The following TENM2 variants were observed in gnomAD, a reference collection of about 807,000 sequenced individuals.
TENM2 encodes the protein teneurin transmembrane protein 2.
In TENM2, 52 loss-of-function variants were observed where a neutral mutation model predicts 245.2. The ratio of observed to expected loss-of-function variants is 0.21; its 90% confidence interval spans 0.17 to 0.27. The LOEUF is 0.27. Ranked by LOEUF, TENM2 falls within the 10% of genes least tolerant of loss-of-function variation. TENM2 has a pLI of 1.00. For synonymous variants in TENM2, 1,363 were observed against 1,438.9 expected (o/e 0.95, Z 1.19); for missense variants, 3,046 against 3,666.8 (o/e 0.83, Z 4.37).
intron 2 of TENM2, among the ~76,000 whole-genome samples, chr5:167,529,546 A>G (rs77898885): frequency 0.04 from 6,121 of 152,266 alleles, 374 homozygotes; most frequent in East Asian, 0.29. Flanking sequence ...ACCAGCATAT[A>G]TCTTAAGCCC....
At chr5:167,859,802 C>T (rs1250880643) in intron 2 of TENM2, among the ~76,000 whole-genome samples, 1,118 of 53,548 alleles carry the variant, frequency 0.021, no homozygotes, top group Middle Eastern at 0.045. Context: ...GCCCTCCGCC[C>T]GGCCAGCCGC....
chr5:167,482,647 T>A (rs1767827450), intron 2 of TENM2, among the ~76,000 whole-genome samples: 1 of 152,178 alleles, frequency 6.6e-6, no homozygotes, highest in Non-Finnish European at 1.5e-5. Context: ...GGTTGCTTTA[T>A]CTTATGACAG....
intron 7 of TENM2, among the ~76,000 whole-genome samples, chr5:168,082,249 A>G (rs910628660): frequency 4.6e-5 from 7 of 152,160 alleles, no homozygotes; most frequent in African/African-American, 1.7e-4. Flanking sequence ...TGCATGCGTC[A>G]CGTAGTTCTC....
At chr5:167,086,406 C>A in the TENM2 span, among the ~76,000 whole-genome samples, 1 of 152,110 alleles carries the variant, frequency 6.6e-6, no homozygotes, top group African/African-American at 2.4e-5. Context: ...GGAGTCTTGA[C>A]CCTCTTCCTC....
chr5:167,492,787 C>T (rs1768517896), intron 2 of TENM2, among the ~76,000 whole-genome samples: 1 of 151,936 alleles, frequency 6.6e-6, no homozygotes, highest in Non-Finnish European at 1.5e-5. Flanking sequence ...TATCTTGTGC[C>T]ATGATAGGGA....
At chr5:167,894,390 G>C (rs1279202025) in intron 3 of TENM2, among the ~76,000 whole-genome samples, 2 of 152,162 alleles carry the variant, frequency 1.3e-5, no homozygotes, top group Non-Finnish European at 2.9e-5. Flanking sequence ...ATTGTGGCTA[G>C]TGTGATGTGA....
At position 167,294,502 on chromosome 5, in the gene TENM2, G is replaced by GA. The variant is rs544173329; in HGVS notation, c.226+9447dup. Among the ~76,000 whole-genome samples the GA allele has an allele frequency of 1.1e-4, 16 of 151,800 alleles. No homozygotes were observed. The South Asian group carries it at 3.3e-3, about 32-fold the overall frequency. On this transcript the variant is annotated intron_variant, in intron 1 of 28. Coordinates refer to ENST00000518659, the Ensembl canonical transcript of TENM2. ...AGAAAATCCTGTGAAACAAGTGGGG[G>GA]AAAAAAAAGAACACCTTACTTTCCT...
rs529952554 is a variant in TENM2, at chr5:167,353,086, A to T, written c.227-22112A>T. ...GTTTACTTTGAAGTGTTTATCAGCC[A>T]ATGCGCAGAAACATGAGGGAGGCTT... On this transcript the variant is annotated intron_variant, in intron 1 of 28. Coordinates refer to ENST00000518659, the Ensembl canonical transcript of TENM2. 5.4e-4 allele frequency among the ~76,000 whole-genome samples: 82 copies of T among 152,300 alleles called. 1 individual carries two copies. The highest frequency in any genetic ancestry group is 8.7e-4 in the Non-Finnish European group (59 of 68,036).
intron 2 of TENM2, among the ~76,000 whole-genome samples, chr5:167,514,528 A>G (rs567290494): frequency 1.2e-4 from 18 of 152,358 alleles, no homozygotes; most frequent in African/African-American, 4.3e-4. Flanking sequence ...ATAAAAATAA[A>G]TGATGCCCAT....
At chr5:168,091,543 A>T (rs1374201212) in intron 8 of TENM2, among the ~76,000 whole-genome samples, 1 of 152,246 alleles carries the variant, frequency 6.6e-6, no homozygotes, top group African/African-American at 2.4e-5. Context: ...CATTAAAGTT[A>T]TGTTATTGGG....
chr5:168,040,987 G>A (rs1788137084), intron 5 of TENM2, among the ~76,000 whole-genome samples: 1 of 152,212 alleles, frequency 6.6e-6, no homozygotes, highest in East Asian at 1.9e-4. Flanking sequence ...CTTACAAAGG[G>A]AAGTGTGTAT....
chr5:167,817,996 A>C (rs1399387300), intron 2 of TENM2, among the ~76,000 whole-genome samples: 2 of 152,288 alleles, frequency 1.3e-5, no homozygotes, highest in East Asian at 3.9e-4. Context: ...GATAAGAAGG[A>C]TGAAGATTCT....
chr5:167,390,894 C>T (rs1761712010), intron 2 of TENM2, among the ~76,000 whole-genome samples: 1 of 152,168 alleles, frequency 6.6e-6, no homozygotes, highest in Non-Finnish European at 1.5e-5. Context: ...TATTTCAGGC[C>T]CTCCACAATA....
Position 167,971,516 on chromosome 5 carries a change from C to T in TENM2, c.947+18694C>T, listed in dbSNP as rs190734526. ...AGGAGTTCAAGACCAGCCTGACGAA[C>T]ATGGTGAAACTTCGTGTCTATTAAA... On this transcript the variant is annotated intron_variant, in intron 4 of 28. Transcript: ENST00000518659. Among the ~76,000 whole-genome samples, 404 of 152,212 alleles carry T rather than the reference C, an allele frequency of 2.7e-3. 3 individuals carry two copies. The Middle Eastern group carries it at 0.054, about 21-fold the overall frequency.
intron 12 of TENM2, among the ~76,000 whole-genome samples, chr5:168,144,782 T>C (rs1280931355): frequency 2.6e-5 from 4 of 152,186 alleles, no homozygotes; most frequent in Non-Finnish European, 5.9e-5. Context: ...TTGAACTAGT[T>C]TACACTCCCA....
At position 168,244,401 on chromosome 5, in the gene TENM2, G is replaced by C; in HGVS notation, c.5521-19G>C. 1 of 1,504,476 alleles carries C rather than the reference G, an allele frequency of 6.6e-7. No homozygotes were observed. Among genetic ancestry groups the C allele is most frequent in the Non-Finnish European group, 9.0e-7 (1 of 1,116,578 alleles). 93.2% of individuals were successfully genotyped at this position (1,504,476 alleles called of 1,614,324 possible). A position where few individuals can be genotyped will look rare whatever the true frequency, so the allele number is the denominator to read the frequency against. On this transcript the variant is annotated intron_variant, in intron 25 of 28. Transcript: ENST00000518659. The surrounding 1 kb of genome is among the most constrained non-coding windows in gnomAD (Gnocchi z 4.9). ...GCCTGGGTGATGTCTTTCAAACAAGGCCTGTTGTGTTTTCCTAGGTCCATG... is the reference window on the plus strand; with the variant it reads ...GCCTGGGTGATGTCTTTCAAACAAGCCCTGTTGTGTTTTCCTAGGTCCATG...
intron 5 of TENM2, among the ~76,000 whole-genome samples, chr5:168,013,266 C>T (rs193047480): frequency 6.6e-5 from 10 of 152,022 alleles, no homozygotes; most frequent in Admixed American, 2.6e-4. Flanking sequence ...TGTCTGATGC[C>T]GCCAAAAATC....
chr5:168,145,632 T>G (rs1305671232), intron 12 of TENM2, among the ~76,000 whole-genome samples: 1 of 152,140 alleles, frequency 6.6e-6, no homozygotes. Context: ...CCAGCTTTGT[T>G]CTTTTGCTTA....
the TENM2 span, among the ~76,000 whole-genome samples, chr5:167,036,890 G>T: frequency 6.6e-6 from 1 of 151,996 alleles, no homozygotes; most frequent in Non-Finnish European, 1.5e-5. Context: ...TCTCTTACCA[G>T]TTTTTGCCTT....
Sources: gnomAD v4.1 joint callset for allele counts (sites outside exome capture counted in the v4.1 genomes callset) on GRCh38, gnomAD v4.1.1 for gene constraint, Gnocchi (gnomAD v3.1) non-coding constraint, MANE v1.5 for transcripts, NCBI Gene and HGNC (gene_info 2026-07-23, HGNC 2026-07-21) for gene names.